EMG1: variants seen among roughly 807,000 people sequenced by gnomAD.
EMG1 encodes EMG1 N1-specific pseudouridine methyltransferase.
A neutral mutation model predicts 26.9 loss-of-function variants in EMG1; 24 were observed. The ratio of observed to expected loss-of-function variants is 0.89; its 90% confidence interval spans 0.65 to 1.26. The LOEUF is 1.26. Among genes scored for constraint, EMG1 ranks in the 50% most tolerant of loss-of-function variants. The probability of loss-of-function intolerance (pLI) is 0.00; values close to 1 mark genes in which losing one functional copy is unlikely to be tolerated. For synonymous variants in EMG1, 140 were observed against 112.6 expected, an observed-to-expected ratio of 1.24 and a Z score of -1.54; for missense variants, 299 against 307.6, an observed-to-expected ratio of 0.97 and a Z score of 0.21.
At chr12:6,983,395 ACTAATTGCGGTGTCACTG>A, downstream of EMG1, 1 of 1,390,282 alleles carries the variant, frequency 7.2e-7, no homozygotes. Context: ...CCAGGTTCCC[ACTAATTGCGGTGTCACTG>A]CTAATTTAGT....
chr12:6,971,275 T>C (rs1946323800), intron 1 of EMG1, among the ~76,000 whole-genome samples, 184 bp downstream of exon 1: 1 of 111,648 alleles, frequency 9.0e-6, no homozygotes, highest in South Asian at 2.7e-4. Flanking sequence ...TTTTTCTTTC[T>C]TTTTTTTTTT....
At chr12:6,986,400 T>C (rs1195309633) in intron 6 of EMG1, among the ~76,000 whole-genome samples, 1 of 152,214 alleles carries the variant, frequency 6.6e-6, no homozygotes, top group African/African-American at 2.4e-5. Flanking sequence ...GAAATACATA[T>C]ATAACACAAA....
At chr12:6,971,166 G>C in intron 1 of EMG1, 75 bp downstream of exon 1, 1 of 1,275,618 alleles carries the variant, frequency 7.8e-7, no homozygotes, top group Non-Finnish European at 1.1e-6. Flanking sequence ...AAGGGGCCCA[G>C]AGTGGATGTA....
chr12:6,978,747 A>G lies in EMG1; in HGVS notation c.*2938A>G. On this transcript the variant is annotated 3_prime_UTR_variant, in exon 6 of 6. Transcript: ENST00000599672. ...ATCACATGACTAGGCAGTTTCTCTCAGCACTCTTCCTTTTCACACTTGTGG... is the reference window on the plus strand; with the variant it reads ...ATCACATGACTAGGCAGTTTCTCTCGGCACTCTTCCTTTTCACACTTGTGG... The G allele has an allele frequency of 6.3e-7, 1 of 1,596,716 alleles. No homozygotes were observed. Among genetic ancestry groups the G allele is most frequent in the Non-Finnish European group, 8.5e-7 (1 of 1,170,500 alleles).
In EMG1 at chr12:6,975,820, A is replaced by G; in HGVS notation, c.*11A>G. ...TGGGGGGTCATTTGACAGTAGTAGA[A>G]CCTGTTCTGAAACCAGAAACTGTTG... is the stretch of plus-strand genomic sequence containing the variant. On this transcript the variant is annotated 3_prime_UTR_variant, in exon 6 of 6. Transcript: ENST00000599672. The G allele has an allele frequency of 1.3e-6, 2 of 1,500,830 alleles. No individual in the cohort carries two copies. Among genetic ancestry groups the G allele is most frequent in the East Asian group, 2.3e-5 (1 of 44,420 alleles). 93.0% of individuals were successfully genotyped at this position (1,500,830 alleles called of 1,614,324 possible).
Position 6,975,335 on chromosome 12 carries a change from G to A in EMG1, c.578G>A (p.Ser193Asn), listed in dbSNP as rs1555152978. Residue 193 changes from serine to asparagine, a missense_variant, in exon 5 of 6, where the codon AGT becomes AAT. Physicochemically the swap from Ser to Asn is conservative, Grantham distance 46. Transcript: ENST00000599672. ...VSDVRELVPSSDPIVFVVGAF... is the reference protein window; with the variant it reads ...VSDVRELVPSNDPIVFVVGAF... ...GATGTGCGTGAGCTGGTGCCCAGCA[G>A]TGATCCTATTGTTTTTGTGGTAGGG... is the stretch of plus-strand genomic sequence containing the variant. 1.2e-6 allele frequency: 2 copies of A among 1,607,606 alleles called. No individual in the cohort carries two copies. The highest frequency in any genetic ancestry group is 1.7e-6 in the Non-Finnish European group (2 of 1,176,562).
chr12:6,989,135 A>G (rs1046095646), downstream of EMG1, among the ~76,000 whole-genome samples: 8 of 151,896 alleles, frequency 5.3e-5, no homozygotes, highest in African/African-American at 1.9e-4. Flanking sequence ...AAAAAAAAAA[A>G]GAACTTGTTT....
At position 6,975,991 on chromosome 12, in the gene EMG1, G is replaced by T. The variant is rs782776502; in HGVS notation, c.*182G>T. On this transcript the variant is annotated 3_prime_UTR_variant, in exon 6 of 6. Coordinates refer to ENST00000599672, the MANE Select transcript of EMG1 (RefSeq NM_006331.8). ...TGTTCTTGCAAACCTGGTTGTTTTGGGGTTCCTAAAGTATCCAGTGGTGTA... is the reference window on the plus strand; with the variant it reads ...TGTTCTTGCAAACCTGGTTGTTTTGTGGTTCCTAAAGTATCCAGTGGTGTA... 1.4e-5 allele frequency: 8 copies of T among 565,612 alleles called. No individual in the cohort carries two copies. The highest frequency in any genetic ancestry group is 2.2e-5 in the Non-Finnish European group (7 of 317,248). The allele number at this position is 565,612 out of a possible 1,614,324, so 35.0% of individuals were successfully genotyped here.
At chr12:6,971,813 C>T (rs997873810) in intron 1 of EMG1, among the ~76,000 whole-genome samples, 6 of 152,168 alleles carry the variant, frequency 3.9e-5, no homozygotes, top group Non-Finnish European at 8.8e-5. Context: ...TATCCATAGT[C>T]ACCTCTCTCT....
At position 6,977,972 on chromosome 12, in the gene EMG1, A is replaced by C. The variant is rs782301379; in HGVS notation, c.*2163A>C. ...CGCACGAGCCACTTGGTTCAGCAGC[A>C]GTGACTGAGGCTGATGCTGAGATCA... On this transcript the variant is annotated 3_prime_UTR_variant, in exon 6 of 6. Transcript: ENST00000599672. This position sits in a 1 kb window ranked among gnomAD's most constrained non-coding sequence, Gnocchi z 4.5. The C allele has an allele frequency of 9.1e-4, 524 of 578,868 alleles. 1 individual carries two copies. Among genetic ancestry groups the C allele is most frequent in the Non-Finnish European group, 1.4e-3 (473 of 326,698 alleles). The allele number at this position is 578,868 out of a possible 1,614,324, so 35.9% of individuals were successfully genotyped here. A position where few individuals can be genotyped will look rare whatever the true frequency, so the allele number is the denominator to read the frequency against.
At chr12:6,990,284 C>T (rs1555155318), downstream of EMG1, among the ~76,000 whole-genome samples, 2 of 150,624 alleles carry the variant, frequency 1.3e-5, no homozygotes, top group Admixed American at 6.6e-5. Flanking sequence ...CTGAGGCGGG[C>T]GGATCACGAG....
chr12:6,975,383 G>A lies in EMG1; in HGVS notation c.621+5G>A, dbSNP rs782281203. 44 of 1,589,638 alleles carry A rather than the reference G, an allele frequency of 2.8e-5. No homozygotes were observed. In the East Asian group the frequency reaches 4.5e-4, roughly 16 times the overall value. On this transcript the variant is annotated splice_donor_5th_base_variant and intron_variant, in intron 5 of 5. Transcript: ENST00000599672. ...GGGGCCTTTGCCCATGGCAAGGTAA[G>A]GTCTGGGCTCAACCCTGAAATTCTT...
chr12:6,980,849 C>T (rs1946463597), downstream of EMG1: 2 of 578,654 alleles, frequency 3.5e-6, no homozygotes, highest in South Asian at 8.7e-5. Flanking sequence ...TAAAAAGGGC[C>T]CACTCCTGGC....
downstream of EMG1, among the ~76,000 whole-genome samples, chr12:6,991,326 G>A (rs1311435969): frequency 6.6e-6 from 1 of 152,198 alleles, no homozygotes; most frequent in Non-Finnish European, 1.5e-5. Flanking sequence ...TTTCTTAACA[G>A]TTAGGAACTT....
chr12:6,978,829 T>TATTGTGAAGGCAATCAG lies in EMG1; in HGVS notation c.*3020_*3021insATTGTGAAGGCAATCAG. The TATTGTGAAGGCAATCAG allele has an allele frequency of 8.1e-7, 1 of 1,234,056 alleles. No homozygotes were observed. Among genetic ancestry groups the TATTGTGAAGGCAATCAG allele is most frequent in the Non-Finnish European group, 1.1e-6 (1 of 901,280 alleles). 76.4% of individuals were successfully genotyped at this position (1,234,056 alleles called of 1,614,324 possible). On this transcript the variant is annotated 3_prime_UTR_variant, in exon 6 of 6. Coordinates refer to ENST00000599672, the MANE Select transcript of EMG1 (RefSeq NM_006331.8). ...GCCAGATGCCCTCAATAGTCTGGCCTGATTGCCTTCACAATAGGCAGAGAG... is the reference window on the plus strand; with the variant it reads ...GCCAGATGCCCTCAATAGTCTGGCCTATTGTGAAGGCAATCAGGATTGCCTTCACAATAGGCAGAGAG...
chr12:6,982,582 G>T, downstream of EMG1: 1 of 892,862 alleles, frequency 1.1e-6, no homozygotes, highest in Non-Finnish European at 1.8e-6. Context: ...TTAGAAATTA[G>T]GTCTGCTAAT....
At chr12:6,986,545 G>T (rs1442174594) in intron 6 of EMG1, among the ~76,000 whole-genome samples, 1 of 152,106 alleles carries the variant, frequency 6.6e-6, no homozygotes, top group East Asian at 1.9e-4. Flanking sequence ...AGCACTTTGG[G>T]AGGCTGAAGC....
intron 1 of EMG1, among the ~76,000 whole-genome samples, chr12:6,971,427 C>T (rs1555152260): frequency 6.6e-6 from 1 of 151,990 alleles, no homozygotes; most frequent in African/African-American, 2.4e-5. Flanking sequence ...GCAGGTGCCA[C>T]CACGCCCGGC....
At chr12:6,995,389 G>A (rs1380806084) in intron 7 of EMG1, among the ~76,000 whole-genome samples, 4 of 151,546 alleles carry the variant, frequency 2.6e-5, no homozygotes, top group African/African-American at 7.3e-5. Context: ...CAGGAGAATC[G>A]CTTGAACCCA....
Sources: gnomAD v4.1 joint callset for allele counts (sites outside exome capture counted in the v4.1 genomes callset) on GRCh38, gnomAD v4.1.1 for gene constraint, Gnocchi (gnomAD v3.1) non-coding constraint, MANE v1.5 for transcripts, NCBI Gene and HGNC (gene_info 2026-07-23, HGNC 2026-07-21) for gene names.